The following MRPS21 variants were observed in gnomAD, a reference collection of about 807,000 sequenced individuals.
MRPS21 encodes the protein small ribosomal subunit protein bS21m.
MRPS21 carries 8 observed loss-of-function variants against 9.9 expected under a neutral mutation model. The ratio of observed to expected loss-of-function variants is 0.81; its 90% CI spans 0.47 to 1.45. MRPS21 has a LOEUF of 1.45. MRPS21 is among the 40% of genes most tolerant of loss of function. MRPS21 has a pLI of 0.00. For synonymous variants in MRPS21, 40 were observed against 40.3 expected (o/e 0.99, Z 0.03); for missense variants, 101 against 118.9 (o/e 0.85, Z 0.70).
chr1:150,299,456 G>C (rs587660221), intron 2 of MRPS21, among the ~76,000 whole-genome samples: 3 of 147,966 alleles, frequency 2.0e-5, no homozygotes, highest in Non-Finnish European at 3.0e-5. Flanking sequence ...TTGTTTGTTT[G>C]TTTGTTTGTT....
intron 2 of MRPS21, among the ~76,000 whole-genome samples, chr1:150,295,854 C>A (rs1653897168): frequency 6.6e-6 from 1 of 151,740 alleles, no homozygotes; most frequent in Non-Finnish European, 1.5e-5. Context: ...AGGAAAAATA[C>A]ATAAATGGAA....
At chr1:150,305,354 A>G (rs1189381133) in intron 2 of MRPS21, among the ~76,000 whole-genome samples, 2 of 152,088 alleles carry the variant, frequency 1.3e-5, no homozygotes, top group Admixed American at 6.6e-5. Flanking sequence ...TCCCTGTTTT[A>G]ACAAGCTTTC....
intron 2 of MRPS21, among the ~76,000 whole-genome samples, chr1:150,305,701 TCTC>T (rs1654304188): frequency 1.3e-5 from 2 of 152,104 alleles, no homozygotes; most frequent in South Asian, 2.1e-4. Flanking sequence ...TTCAAGCTAT[TCTC>T]CTGCCTCCGC....
intron 2 of MRPS21, among the ~76,000 whole-genome samples, chr1:150,300,467 A>G (rs1270554512): frequency 2.0e-5 from 3 of 152,228 alleles, no homozygotes; most frequent in East Asian, 3.8e-4. Context: ...CTTAATGAAC[A>G]TAAATGTTCC....
At chr1:150,306,466 A>G (rs185817864) in intron 2 of MRPS21, among the ~76,000 whole-genome samples, 23 of 151,706 alleles carry the variant, frequency 1.5e-4, no homozygotes, top group African/African-American at 4.8e-4. Flanking sequence ...GGGTTTCACC[A>G]TGTTGGCCAG....
At chr1:150,297,046 C>G (rs1315006974) in intron 2 of MRPS21, among the ~76,000 whole-genome samples, 8 of 152,056 alleles carry the variant, frequency 5.3e-5, no homozygotes, top group Non-Finnish European at 7.4e-5. Flanking sequence ...AATCCCAGCA[C>G]TTTGGGAGGC....
chr1:150,295,082 G>A (rs1251995272), intron 2 of MRPS21, among the ~76,000 whole-genome samples: 13 of 145,772 alleles, frequency 8.9e-5, no homozygotes, highest in African/African-American at 2.5e-4. Flanking sequence ...TGCAAGCTCC[G>A]CTTCCTGGGT....
At chr1:150,304,467 G>C (rs1654252219) in intron 2 of MRPS21, among the ~76,000 whole-genome samples, 1 of 151,926 alleles carries the variant, frequency 6.6e-6, no homozygotes, top group East Asian at 1.9e-4. Flanking sequence ...TTTGAAATAG[G>C]GTTTCACAGC....
chr1:150,306,097 G>C (rs1283183791), intron 2 of MRPS21, among the ~76,000 whole-genome samples: 1 of 152,176 alleles, frequency 6.6e-6, no homozygotes, highest in African/African-American at 2.4e-5. Context: ...TGTATATTAG[G>C]AAAGATTTTT....
At position 150,308,345 on chromosome 1, in the gene MRPS21, T is replaced by A; in HGVS notation, c.*117T>A. The A allele has an allele frequency of 9.7e-7, 1 of 1,026,584 alleles. No individual in the cohort carries two copies. Among genetic ancestry groups the A allele is most frequent in the Non-Finnish European group, 1.4e-6 (1 of 729,810 alleles). 63.6% of individuals were successfully genotyped at this position (1,026,584 alleles called of 1,614,324 possible). A position where few individuals can be genotyped will look rare whatever the true frequency, so the allele number is the denominator to read the frequency against. On this transcript the variant is annotated 3_prime_UTR_variant, in exon 3 of 3. Transcript: ENST00000614145. ...CTGCAATAAACTCAAATCACATGTCTGCAAGAAGGCCTCCAAATATAGAAA... is the reference window on the plus strand; with the variant it reads ...CTGCAATAAACTCAAATCACATGTCAGCAAGAAGGCCTCCAAATATAGAAA...
chr1:150,308,077 A>T lies in MRPS21; in HGVS notation c.113A>T (p.Asp38Val). Residue 38 changes from aspartate (D) to valine (V), a missense_variant, in exon 3 of 3, where the codon GAC (aspartate) becomes GTC (valine). Transcript: ENST00000614145. ...RILTMDGLIE[D>V]IKHRRYYEKP... ...CTCACTATGGATGGGCTCATTGAGG[A>T]CATTAAGCATCGGCGGTATTATGAG... The T allele has an allele frequency of 6.3e-7, 1 of 1,596,838 alleles. No homozygotes were observed. Among genetic ancestry groups the T allele is most frequent in the East Asian group, 2.3e-5 (1 of 44,272 alleles).
chr1:150,294,538 A>G lies in MRPS21; in HGVS notation c.83+89A>G, dbSNP rs754206690. The G allele has an allele frequency of 4.8e-4, 519 of 1,091,568 alleles. 6 individuals are homozygous for G. Among genetic ancestry groups the G allele is most frequent in the Non-Finnish European group, 1.0e-4 (76 of 725,098 alleles). 67.6% of individuals were successfully genotyped at this position (1,091,568 alleles called of 1,614,324 possible). A position where few individuals can be genotyped will look rare whatever the true frequency, so the allele number is the denominator to read the frequency against. ...CTTCCCCTTTCGTTGATTGTTCTCA[A>G]AACAGTGCCAGCCCAGGTGTTCACA... On this transcript the variant is annotated intron_variant, in intron 2 of 2. Coordinates refer to ENST00000614145, the MANE Select transcript of MRPS21 (RefSeq NM_031901.6).
intron 1 of MRPS21, 70 bp from the exon 2 acceptor site, chr1:150,294,265 G>T: frequency 9.4e-7 from 1 of 1,060,278 alleles, no homozygotes; most frequent in Non-Finnish European, 1.4e-6. Flanking sequence ...TAAATAAGCC[G>T]CGCGGTGTAG....
chr1:150,295,456 C>T (rs1320728505), intron 2 of MRPS21, among the ~76,000 whole-genome samples: 3 of 152,170 alleles, frequency 2.0e-5, no homozygotes, highest in Non-Finnish European at 4.4e-5. Flanking sequence ...AGCGTAATGA[C>T]TCCTTTTATG....
chr1:150,302,240 C>A (rs1572149169), intron 2 of MRPS21, among the ~76,000 whole-genome samples: 1 of 152,116 alleles, frequency 6.6e-6, no homozygotes, highest in African/African-American at 2.4e-5. Flanking sequence ...GTTTGGAGTA[C>A]AGAGAGAGTC....
In MRPS21 at chr1:150,308,205, G is replaced by A; in HGVS notation, c.241G>A (p.Ala81Thr). The change falls in exon 3 of 3, where the codon GCA (alanine) becomes ACA (threonine). Residue 81 changes from alanine (A) to threonine (T), a missense_variant. Physicochemically the swap from Ala to Thr is moderately conservative, Grantham distance 58. Coordinates refer to ENST00000614145, the MANE Select transcript of MRPS21 (RefSeq NM_031901.6). ...KINFLMRKNRADPWQGC is the reference protein window; with the variant it reads ...KINFLMRKNRTDPWQGC ...CAACTTCTTGATGCGAAAGAATCGG[G>A]CAGATCCGTGGCAGGGCTGCTGAGG... 1 of 1,599,598 alleles carries A rather than the reference G, an allele frequency of 6.3e-7. No individual in the cohort carries two copies. The highest frequency in any genetic ancestry group is 8.6e-7 in the Non-Finnish European group (1 of 1,167,790).
At chr1:150,301,873 C>T (rs1232358124) in intron 2 of MRPS21, among the ~76,000 whole-genome samples, 3 of 152,112 alleles carry the variant, frequency 2.0e-5, no homozygotes, top group African/African-American at 7.2e-5. Context: ...GCTGGGATTA[C>T]AGGGGTGAGC....
At chr1:150,299,444 TTTTGTTTGTTTG>T (rs369839952) in intron 2 of MRPS21, among the ~76,000 whole-genome samples, 2 of 151,522 alleles carry the variant, frequency 1.3e-5, no homozygotes, top group African/African-American at 2.4e-5. Flanking sequence ...TTTTTCTGTT[TTTTGTTTGTTTG>T]TTTGTTTGTT....
chr1:150,303,228 C>G (rs182773539), intron 2 of MRPS21, among the ~76,000 whole-genome samples: 1 of 152,202 alleles, frequency 6.6e-6, no homozygotes, highest in Admixed American at 6.5e-5. Context: ...CATATTTACT[C>G]AGGGTCTCTG....
Sources: gnomAD v4.1 joint callset for allele counts (sites outside exome capture counted in the v4.1 genomes callset) on GRCh38, gnomAD v4.1.1 for gene constraint, MANE v1.5 for transcripts, NCBI Gene and HGNC (gene_info 2026-07-23, HGNC 2026-07-21) for gene names.